Variants in PPM1L observed in about 807,000 individuals in gnomAD.
PPM1L encodes protein phosphatase 1L.
Under a neutral mutation model 31.4 loss-of-function variants are expected in PPM1L, and 13 were observed. The observed-to-expected ratio is 0.41, with a 90% confidence interval of 0.27 to 0.66. The LOEUF (loss-of-function observed/expected upper bound fraction) is 0.66. Among genes scored for constraint, PPM1L ranks in the 30% least tolerant of loss-of-function variants. The pLI is 0.29. For missense variants in PPM1L, 326 were observed against 453.7 expected (o/e 0.72, Z 2.56); for synonymous variants, 184 against 175.4 (o/e 1.05, Z -0.39).
chr3:161,008,529 T>C (rs1347974574), intron 2 of PPM1L, among the ~76,000 whole-genome samples: 1 of 152,230 alleles, frequency 6.6e-6, no homozygotes, highest in East Asian at 1.9e-4. Flanking sequence ...CCTATTAATC[T>C]GCCTTTTGTC....
rs527936486 is a variant in PPM1L at position 160,850,557 on chromosome 3, A to G, written c.399+93850A>G. ...GCTGAAATCCCAACCCTCTAATCAC[A>G]TGGCTGGTCCCTCTGGCAACCAGCC... On this transcript the variant is annotated intron_variant, in intron 1 of 3. Coordinates refer to ENST00000498165, the MANE Select transcript of PPM1L (RefSeq NM_139245.4). Among the ~76,000 whole-genome samples, 4 of 152,232 alleles carry G rather than the reference A, an allele frequency of 2.6e-5. No individual in the cohort carries two copies. In the South Asian group the frequency reaches 8.3e-4, roughly 32 times the overall value.
chr3:160,883,699 G>A (rs1202130359), intron 1 of PPM1L, among the ~76,000 whole-genome samples: 1 of 151,868 alleles, frequency 6.6e-6, no homozygotes, highest in African/African-American at 2.4e-5. Context: ...AAGAAGTTAG[G>A]GGAAAGAGAC....
intron 2 of PPM1L, among the ~76,000 whole-genome samples, chr3:161,011,063 T>C (rs1001665062): frequency 6.6e-6 from 1 of 152,202 alleles, no homozygotes; most frequent in African/African-American, 2.4e-5. Flanking sequence ...GCCATTGCTT[T>C]TGGTGTTTCA....
rs1381803876 is a variant in PPM1L, at chr3:160,954,769, ACT to A, written c.400-6964_400-6963del. Among the ~76,000 whole-genome samples the A allele has an allele frequency of 6.0e-5, 9 of 149,860 alleles. No individual in the cohort carries two copies. In the South Asian group the frequency reaches 1.5e-3, roughly 25 times the overall value. On this transcript the variant is annotated intron_variant, in intron 1 of 3. Transcript: ENST00000498165. ...TGATAGTTTCTTTTGCTGTGTGGAA[ACT>A]CTGTAGTTTAATTAAGTCCCATTTG... is the stretch of plus-strand genomic sequence containing the variant.
At chr3:160,970,699 T>C (rs1209782708) in intron 2 of PPM1L, among the ~76,000 whole-genome samples, 2 of 151,862 alleles carry the variant, frequency 1.3e-5, no homozygotes, top group Non-Finnish European at 2.9e-5. Context: ...CTCAAGTGAT[T>C]CACCCACCTT....
rs555623541 is a variant in PPM1L at position 161,071,118 on chromosome 3, G to A, written c.*1961G>A. The A allele has an allele frequency of 6.6e-6, 1 of 152,350 alleles. No homozygotes were observed. Among genetic ancestry groups the A allele is most frequent in the Non-Finnish European group, 1.5e-5 (1 of 68,068 alleles). The allele number at this position is 152,350 out of a possible 1,614,324, so 9.4% of individuals were successfully genotyped here. ...GGGGTGGGGACAGGGAAGGGAATGT[G>A]GAAAACAAATGCTGGCTGTGAGCAG... On this transcript the variant is annotated 3_prime_UTR_variant, in exon 4 of 4. Transcript: ENST00000498165.
chr3:161,014,110 C>T (rs1476525872), intron 2 of PPM1L, among the ~76,000 whole-genome samples: 2 of 152,168 alleles, frequency 1.3e-5, no homozygotes, highest in Non-Finnish European at 2.9e-5. Flanking sequence ...GCAGTTTCTT[C>T]CTAGCATCAA....
chr3:160,930,546 G>C (rs1313542182), intron 1 of PPM1L, among the ~76,000 whole-genome samples: 3 of 152,152 alleles, frequency 2.0e-5, no homozygotes, highest in Admixed American at 2.0e-4. Flanking sequence ...CGGTTTAGCT[G>C]CTCCCCACCT....
chr3:161,003,110 G>T (rs1408987525), intron 2 of PPM1L, among the ~76,000 whole-genome samples: 5 of 151,500 alleles, frequency 3.3e-5, no homozygotes, highest in Non-Finnish European at 7.4e-5. Flanking sequence ...TTTCCCCATT[G>T]CTTGTTTTTC....
At chr3:161,057,469 T>C (rs894772846) in intron 2 of PPM1L, among the ~76,000 whole-genome samples, 3 of 152,102 alleles carry the variant, frequency 2.0e-5, no homozygotes, top group Admixed American at 6.5e-5. Flanking sequence ...GTCAACTTTA[T>C]TGTTATACAA....
intron 2 of PPM1L, among the ~76,000 whole-genome samples, chr3:160,978,770 C>T (rs1716693772): frequency 6.6e-6 from 1 of 151,998 alleles, no homozygotes; most frequent in African/African-American, 2.4e-5. Context: ...GTTGAGGTTG[C>T]AGTGAGCCGT....
Position 161,076,346 on chromosome 3 carries a change from C to T in PPM1L, c.*7189C>T, listed in dbSNP as rs1720097265. 1 of 152,190 alleles carries T rather than the reference C, an allele frequency of 6.6e-6. No homozygotes were observed. The highest frequency in any genetic ancestry group is 2.4e-5 in the African/African-American group (1 of 41,456). 9.4% of individuals were successfully genotyped at this position (152,190 alleles called of 1,614,324 possible). A position where few individuals can be genotyped will look rare whatever the true frequency, so the allele number is the denominator to read the frequency against. ...AACCATGGGACATTAAGCAAGAATA[C>T]TCCTCTGATTTAGGCTCCCAGACTA... On this transcript the variant is annotated 3_prime_UTR_variant, in exon 4 of 4. Coordinates refer to ENST00000498165, the MANE Select transcript of PPM1L (RefSeq NM_139245.4).
At chr3:161,012,248 A>G (rs2108063944) in intron 2 of PPM1L, among the ~76,000 whole-genome samples, 2 of 152,268 alleles carry the variant, frequency 1.3e-5, no homozygotes, top group East Asian at 1.9e-4. Flanking sequence ...ATTTTGTCAA[A>G]GGCCTTTTCT....
rs546691925 is a variant in PPM1L at position 160,898,840 on chromosome 3, G to A, written c.400-62896G>A. ...CCCAATTTCTAATCTTCATAGCAAC[G>A]TTACAGAATTACAGATGTGGAGAAG... On this transcript the variant is annotated intron_variant, in intron 1 of 3. Transcript: ENST00000498165. 6.6e-5 allele frequency among the ~76,000 whole-genome samples: 10 copies of A among 152,246 alleles called. 1 individual carries two copies. Among genetic ancestry groups the A allele is most frequent in the African/African-American group, 1.7e-4 (7 of 41,550 alleles).
intron 1 of PPM1L, among the ~76,000 whole-genome samples, chr3:160,820,614 G>A (rs1331930742): frequency 6.6e-6 from 1 of 151,954 alleles, no homozygotes. Flanking sequence ...AGTATTGTAT[G>A]GTCTTAAACT....
At chr3:160,924,568 A>G (rs1475039860) in intron 1 of PPM1L, among the ~76,000 whole-genome samples, 3 of 152,244 alleles carry the variant, frequency 2.0e-5, no homozygotes, top group Non-Finnish European at 2.9e-5. Context: ...CTCCAGGACA[A>G]TATAAAATAG....
chr3:160,799,791 A>C (rs1252057952), intron 1 of PPM1L, among the ~76,000 whole-genome samples: 1 of 152,050 alleles, frequency 6.6e-6, no homozygotes, highest in Non-Finnish European at 1.5e-5. Flanking sequence ...TTCTGTTACC[A>C]CTATATATAA....
At position 161,069,272 on chromosome 3, in the gene PPM1L, TC is replaced by T; in HGVS notation, c.*121del. 1 of 796,684 alleles carries T rather than the reference TC, an allele frequency of 1.3e-6. No individual in the cohort carries two copies. The highest frequency in any genetic ancestry group is 1.9e-6 in the Non-Finnish European group (1 of 515,908). 49.4% of individuals were successfully genotyped at this position (796,684 alleles called of 1,614,324 possible). A position where few individuals can be genotyped will look rare whatever the true frequency, so the allele number is the denominator to read the frequency against. Reference sequence around the variant, plus strand: ...AGGATCATCCACCCCAGACATGGAATCCCCCCTCCCTGGTGGTCTTAGGTCT... The same window carrying T: ...AGGATCATCCACCCCAGACATGGAATCCCCCTCCCTGGTGGTCTTAGGTCT... On this transcript the variant is annotated 3_prime_UTR_variant, in exon 4 of 4. Transcript: ENST00000498165.
intron 2 of PPM1L, among the ~76,000 whole-genome samples, chr3:160,994,766 A>C (rs941805023): frequency 1.3e-5 from 2 of 152,170 alleles, no homozygotes; most frequent in African/African-American, 4.8e-5. Flanking sequence ...ACAAATGACT[A>C]TCAGGGTGCC....
Sources: allele counts gnomAD v4.1 joint callset (sites outside exome capture counted in the v4.1 genomes callset), GRCh38; gene constraint gnomAD v4.1.1; transcripts MANE v1.5; gene names NCBI Gene and HGNC (gene_info 2026-07-23, HGNC 2026-07-21).